TANC1: variants seen among roughly 807,000 people sequenced by gnomAD.
TANC1 encodes protein TANC1.
Under a neutral mutation model 149.7 loss-of-function variants are expected in TANC1, and 77 were observed. That is an observed-to-expected ratio of 0.51 (90% CI 0.43 to 0.62). The LOEUF is 0.62. Ranked by LOEUF, TANC1 falls within the 20% of genes least tolerant of loss-of-function variation. The pLI is 0.00. For synonymous variants in TANC1, 854 were observed against 925.0 expected (o/e 0.92, Z 1.39); for missense variants, 1,985 against 2,321.8 (o/e 0.85, Z 2.98).
At chr2:159,220,637 G>A (rs1327567260) in intron 22 of TANC1, among the ~76,000 whole-genome samples, 1 of 151,992 alleles carries the variant, frequency 6.6e-6, no homozygotes, top group African/African-American at 2.4e-5. Flanking sequence ...TTGCTCTGTT[G>A]CCCAGGCTGG....
chr2:158,986,363 A>G (rs1309103875), intron 1 of TANC1, among the ~76,000 whole-genome samples: 1 of 152,212 alleles, frequency 6.6e-6, no homozygotes, highest in East Asian at 1.9e-4. Flanking sequence ...TTTGGGGGCC[A>G]TCTGGGATAC....
intron 22 of TANC1, among the ~76,000 whole-genome samples, chr2:159,221,318 C>T (rs11686041): frequency 0.36 from 54,035 of 151,998 alleles, 12,651 homozygotes; most frequent in Non-Finnish European, 0.55. Context: ...GAGGTGGAGG[C>T]TGCAGTGAGC....
chr2:159,175,173 A>G lies in TANC1; in HGVS notation c.1724A>G (p.Asn575Ser). The G allele has an allele frequency of 6.2e-7, 1 of 1,613,886 alleles. No individual in the cohort carries two copies. Among genetic ancestry groups the G allele is most frequent in the Non-Finnish European group, 8.5e-7 (1 of 1,179,800 alleles). ...AGGGGAGTGCTGGAGCCACTCACAA[A>G]CCTGAGAAATGGTACTTCGCAGCAG... ...FKRGVLEPLT[N>S]LRNEQKIPEE... Residue 575 changes from asparagine (N) to serine (S), a missense_variant, in exon 12 of 27, where the codon AAC becomes AGC. Around this residue, in one of 3 missense-constraint regions of TANC1, gnomAD observed 508 missense variants for 714.2 expected, o/e 0.71. Coordinates refer to ENST00000263635, the MANE Select transcript of TANC1 (RefSeq NM_033394.3).
chr2:159,203,201 TTTC>T (rs1559452155), intron 19 of TANC1, among the ~76,000 whole-genome samples: 3 of 93,558 alleles, frequency 3.2e-5, no homozygotes, highest in Non-Finnish European at 9.0e-5. Context: ...TCGATAGGCT[TTTC>T]TTTTCTTTTT....
At chr2:159,125,036 CCCA>C (rs2049270636) in intron 4 of TANC1, among the ~76,000 whole-genome samples, 1 of 152,170 alleles carries the variant, frequency 6.6e-6, no homozygotes, top group Non-Finnish European at 1.5e-5. Flanking sequence ...AGCCACCATG[CCCA>C]GCTGGTATTA....
At chr2:159,165,859 C>T (rs1368254063) in intron 8 of TANC1, among the ~76,000 whole-genome samples, 1 of 152,234 alleles carries the variant, frequency 6.6e-6, no homozygotes. Flanking sequence ...ATGGGGCTGG[C>T]CCCTAGGGGA....
At chr2:159,116,430 AAACAACAAC>A (rs70994264) in intron 4 of TANC1, among the ~76,000 whole-genome samples, 1 of 148,610 alleles carries the variant, frequency 6.7e-6, no homozygotes, top group East Asian at 1.9e-4. Context: ...CAGTCTCAAA[AAACAACAAC>A]AACAACAACA....
At chr2:159,210,183 G>A (rs1455843064) in intron 19 of TANC1, among the ~76,000 whole-genome samples, 4 of 152,128 alleles carry the variant, frequency 2.6e-5, no homozygotes. Context: ...TGCATGAAAA[G>A]GTCATAGTCT....
chr2:159,176,391 A>C lies in TANC1; in HGVS notation c.1775A>C (p.Asp592Ala). The C allele has an allele frequency of 6.4e-7, 1 of 1,563,844 alleles. No individual in the cohort carries two copies. The highest frequency in any genetic ancestry group is 8.6e-7 in the Non-Finnish European group (1 of 1,156,732). The change falls in exon 13 of 27, where the codon GAT becomes GCT. Residue 592 changes from aspartate (D) to alanine (A), a missense_variant. This residue lies in a region of TANC1 where 508 missense variants were observed against 714.2 expected (regional missense o/e 0.71). Coordinates refer to ENST00000263635, the MANE Select transcript of TANC1 (RefSeq NM_033394.3). ...GAAGAAGAATACATTATTTTGATAG[A>C]TGGCTTAAATGAAGCTGAGTTTCAT... Reference protein sequence around the residue: ...IPEEEYIILIDGLNEAEFHKP... With the variant: ...IPEEEYIILIAGLNEAEFHKP...
At chr2:159,006,019 G>A (rs918496078) in intron 2 of TANC1, among the ~76,000 whole-genome samples, 2 of 152,066 alleles carry the variant, frequency 1.3e-5, no homozygotes, top group South Asian at 2.1e-4. Flanking sequence ...TTATGGCCGG[G>A]CGCAGTGACT....
intron 3 of TANC1, among the ~76,000 whole-genome samples, chr2:159,092,103 C>T (rs1417570185): frequency 2.0e-5 from 3 of 152,140 alleles, no homozygotes; most frequent in South Asian, 2.1e-4. Context: ...GCACAAGTTC[C>T]GTTTTCTGGA....
intron 14 of TANC1, among the ~76,000 whole-genome samples, chr2:159,183,968 A>C (rs1250178857): frequency 6.6e-6 from 1 of 152,174 alleles, no homozygotes; most frequent in Non-Finnish European, 1.5e-5. Context: ...TCCCCCCGTC[A>C]GACGTGGTGC....
chr2:159,143,106 A>AAAAAC (rs2051606594), intron 5 of TANC1, among the ~76,000 whole-genome samples: 5 of 152,022 alleles, frequency 3.3e-5, no homozygotes, highest in Non-Finnish European at 5.9e-5. Context: ...AAAAAACAAA[A>AAAAAC]AACCAACTCT....
rs551340404 is a variant in TANC1 at position 159,028,268 on chromosome 2, A to C, written c.-16+27079A>C. The stretch of plus-strand genomic sequence containing the variant: ...CCCAAGTAGCTGGGATTATAGGCAC[A>C]CACCACCACACTTGGCTAATTTTTG... On this transcript the variant is annotated intron_variant, in intron 2 of 26. Coordinates refer to ENST00000263635, the MANE Select transcript of TANC1 (RefSeq NM_033394.3). Among the ~76,000 whole-genome samples, 15 of 152,222 alleles carry C rather than the reference A, an allele frequency of 9.9e-5. No homozygotes were observed. In the East Asian group the frequency reaches 2.9e-3, roughly 29 times the overall value.
intron 2 of TANC1, among the ~76,000 whole-genome samples, chr2:159,004,612 T>G (rs886068287): frequency 6.6e-6 from 1 of 152,120 alleles, no homozygotes; most frequent in Non-Finnish European, 1.5e-5. Flanking sequence ...TTGGTGTATG[T>G]ATGTTTATGT....
At chr2:159,215,815 G>C (rs893816991) in intron 19 of TANC1, among the ~76,000 whole-genome samples, 1 of 152,236 alleles carries the variant, frequency 6.6e-6, no homozygotes, top group Non-Finnish European at 1.5e-5. Flanking sequence ...TTGTGAGACT[G>C]ACTTGGTCAG....
In TANC1 at chr2:159,160,308, G is replaced by A. The variant is rs560300578; in HGVS notation, c.683-2975G>A. ...CAACTATAAACATTAGCCAGTCTCT[G>A]GGAAATGTCAAATAGCACTTTTTAG... On this transcript the variant is annotated intron_variant, in intron 7 of 26. Coordinates refer to ENST00000263635, the MANE Select transcript of TANC1 (RefSeq NM_033394.3). Among the ~76,000 whole-genome samples the A allele has an allele frequency of 1.5e-3, 228 of 152,036 alleles. 1 individual carries two copies. The highest frequency in any genetic ancestry group is 2.7e-3 in the Non-Finnish European group (185 of 67,976).
At chr2:159,115,302 T>C (rs1473661328) in intron 4 of TANC1, among the ~76,000 whole-genome samples, 4 of 152,008 alleles carry the variant, frequency 2.6e-5, no homozygotes, top group Admixed American at 6.6e-5. Flanking sequence ...ATAAATAGAT[T>C]TGGTTTCTAG....
At chr2:159,037,812 T>G (rs929226403) in intron 2 of TANC1, among the ~76,000 whole-genome samples, 4 of 152,226 alleles carry the variant, frequency 2.6e-5, no homozygotes, top group Non-Finnish European at 4.4e-5. Context: ...TTGTTCTTTT[T>G]GCTTAGGATT....
Sources: allele counts gnomAD v4.1 joint callset (sites outside exome capture counted in the v4.1 genomes callset), GRCh38; gene constraint gnomAD v4.1.1; regional missense constraint gnomAD v4.1.1; transcripts MANE v1.5; gene names NCBI Gene and HGNC (gene_info 2026-07-23, HGNC 2026-07-21).